ESR1: variants seen among roughly 807,000 people sequenced by gnomAD.
ESR1 encodes estrogen receptor 1.
Under a neutral mutation model 52.7 loss-of-function variants are expected in ESR1, and 12 were observed. The ratio of observed to expected loss-of-function variants is 0.23; its 90% CI spans 0.15 to 0.37. The LOEUF is 0.37. ESR1 is among the 10% of genes least tolerant of loss of function. The pLI, the probability that ESR1 is intolerant of heterozygous loss-of-function variation, is 1.00. For synonymous variants in ESR1, 305 were observed against 316.8 expected (o/e 0.96, Z 0.39); for missense variants, 584 against 779.7 (o/e 0.75, Z 2.99).
chr6:152,074,399 C>T (rs527657133), intron 6 of ESR1, among the ~76,000 whole-genome samples: 3 of 152,056 alleles, frequency 2.0e-5, no homozygotes, highest in Non-Finnish European at 4.4e-5. Flanking sequence ...AAGGTTCTTC[C>T]ATGTCTTTTT....
chr6:152,010,414 C>T (rs1250948130), intron 4 of ESR1, among the ~76,000 whole-genome samples: 1 of 152,004 alleles, frequency 6.6e-6, no homozygotes, highest in East Asian at 1.9e-4. Context: ...CACACATACA[C>T]TCAACAGGAT....
At chr6:151,849,608 C>A (rs1208083671) in intron 2 of ESR1, among the ~76,000 whole-genome samples, 2 of 150,858 alleles carry the variant, frequency 1.3e-5, no homozygotes, top group African/African-American at 4.9e-5. Context: ...CGCGACACTG[C>A]ACTCCAGCCT....
intron 1 of ESR1, among the ~76,000 whole-genome samples, chr6:151,666,054 A>T (rs772883587): frequency 6.6e-6 from 1 of 152,238 alleles, no homozygotes; most frequent in Non-Finnish European, 1.5e-5. Context: ...AAATTGGCTA[A>T]TTTCAGTGTC....
At chr6:151,809,197 C>T (rs1312639989) in intron 1 of ESR1, 6 of 458,828 alleles carry the variant, frequency 1.3e-5, no homozygotes, top group South Asian at 6.3e-5. Flanking sequence ...CCAGGGTCTG[C>T]GCCTCGCAGC....
intron 3 of ESR1, among the ~76,000 whole-genome samples, chr6:151,889,780 T>C (rs9340865): frequency 6.6e-6 from 1 of 152,192 alleles, no homozygotes; most frequent in African/African-American, 2.4e-5. Context: ...GATGAAGACA[T>C]TTATTGCTAT....
intron 2 of ESR1, among the ~76,000 whole-genome samples, chr6:151,711,539 T>G (rs1304804116): frequency 6.6e-6 from 1 of 152,230 alleles, no homozygotes; most frequent in Non-Finnish European, 1.5e-5. Flanking sequence ...GACTTTTTAA[T>G]GATCACCATT....
At chr6:151,740,271 A>G (rs1049752500) in intron 2 of ESR1, among the ~76,000 whole-genome samples, 1 of 138,558 alleles carries the variant, frequency 7.2e-6, no homozygotes, top group Non-Finnish European at 1.5e-5. Flanking sequence ...GGAGCGCACC[A>G]CCATGCCTGG....
chr6:151,796,217 TTTA>T (rs1554257552), intron 2 of ESR1, among the ~76,000 whole-genome samples: 1 of 151,436 alleles, frequency 6.6e-6, no homozygotes, highest in Non-Finnish European at 1.5e-5. Flanking sequence ...AAGATGTTTA[TTTA>T]GTGAAATAGA....
chr6:151,732,201 T>C (rs1382346328), intron 2 of ESR1, among the ~76,000 whole-genome samples: 2 of 152,286 alleles, frequency 1.3e-5, no homozygotes, highest in South Asian at 2.1e-4. Flanking sequence ...AATTATAAAA[T>C]TGCCACTATA....
intron 5 of ESR1, among the ~76,000 whole-genome samples, chr6:152,020,793 A>G (rs1267331451): frequency 3.9e-5 from 6 of 152,236 alleles, no homozygotes; most frequent in African/African-American, 1.4e-4. Flanking sequence ...TTTGGCTTCA[A>G]ATAAATGGAG....
chr6:151,925,416 G>C (rs1344056751), intron 3 of ESR1, among the ~76,000 whole-genome samples: 1 of 152,118 alleles, frequency 6.6e-6, no homozygotes, highest in Non-Finnish European at 1.5e-5. Flanking sequence ...AGACCATTCT[G>C]GCCAACATGG....
intron 2 of ESR1, 115 bp from the exon 3 acceptor site, chr6:151,880,540 A>G: frequency 1.3e-6 from 1 of 776,500 alleles, no homozygotes; most frequent in Non-Finnish European, 2.3e-6. Context: ...GCTGGGGAGC[A>G]ACATAGTAAG....
chr6:152,083,840 C>A (rs563179847), intron 6 of ESR1, among the ~76,000 whole-genome samples: 76 of 152,210 alleles, frequency 5.0e-4, no homozygotes, highest in African/African-American at 1.7e-3. Context: ...TAAATTAGTT[C>A]AACCATTGTG....
chr6:151,666,565 C>T (rs183941668), intron 1 of ESR1, among the ~76,000 whole-genome samples: 1 of 152,152 alleles, frequency 6.6e-6, no homozygotes. Context: ...TCTATGAGCT[C>T]TCTGTTCCTT....
chr6:151,763,589 G>T lies in ESR1; in HGVS notation c.-70-44254G>T, dbSNP rs572730406. 2.0e-5 allele frequency among the ~76,000 whole-genome samples: 3 copies of T among 152,310 alleles called. No homozygotes were observed. In the East Asian group the frequency reaches 5.8e-4, roughly 29 times the overall value. On this transcript the variant is annotated intron_variant, in intron 2 of 2. Coordinates refer to the ESR1 transcript ENST00000404742. ...ACGGTGTTGCCTACTGTGTTGGAGAGACTAAGACTGGGGAAAGATTCTCCA... is the reference window on the plus strand; with the variant it reads ...ACGGTGTTGCCTACTGTGTTGGAGATACTAAGACTGGGGAAAGATTCTCCA...
At chr6:151,921,971 T>A (rs2031782493) in intron 3 of ESR1, among the ~76,000 whole-genome samples, 1 of 152,162 alleles carries the variant, frequency 6.6e-6, no homozygotes, top group Non-Finnish European at 1.5e-5. Context: ...TTTGGCTTTT[T>A]TTTGCAATTG....
At chr6:151,949,198 C>G (rs543291544) in intron 4 of ESR1, among the ~76,000 whole-genome samples, 1 of 152,152 alleles carries the variant, frequency 6.6e-6, no homozygotes, top group Non-Finnish European at 1.5e-5. Flanking sequence ...TGGAGCCATG[C>G]GCTCTGAGGA....
At chr6:152,016,401 AT>A (rs1170616743) in intron 5 of ESR1, among the ~76,000 whole-genome samples, 1 of 152,094 alleles carries the variant, frequency 6.6e-6, no homozygotes, top group Non-Finnish European at 1.5e-5. Context: ...ATGGTCTATA[AT>A]TTTTTAAATT....
chr6:152,006,839 AT>A (rs200108160), intron 4 of ESR1, among the ~76,000 whole-genome samples: 3 of 151,682 alleles, frequency 2.0e-5, no homozygotes, highest in Non-Finnish European at 2.9e-5. Context: ...GGAAACCAAT[AT>A]TTTTTTTTCC....
Sources: allele counts gnomAD v4.1 joint callset (sites outside exome capture counted in the v4.1 genomes callset), GRCh38; gene constraint gnomAD v4.1.1; transcripts MANE v1.5; gene names NCBI Gene and HGNC (gene_info 2026-07-23, HGNC 2026-07-21).